The following WDR72 variants were observed in gnomAD, a reference collection of about 807,000 sequenced individuals.
The protein encoded by WDR72 is WD repeat-containing protein 72.
A neutral mutation model predicts 124.2 loss-of-function variants in WDR72; 120 were observed. The observed-to-expected ratio is 0.97, with a 90% CI of 0.83 to 1.12. The LOEUF (loss-of-function observed/expected upper bound fraction) is 1.12, where lower values mean the gene tolerates loss of function less well. WDR72 is among the 50% of genes most tolerant of loss of function. The pLI is 0.00. For synonymous variants in WDR72, 452 were observed against 441.7 expected (o/e 1.02, Z -0.29); for missense variants, 1,387 against 1,278.8 (o/e 1.08, Z -1.29).
chr15:53,523,347 A>G (rs769584489), intron 18 of WDR72, 25 bp from the exon 19 acceptor site: 4 of 1,608,250 alleles, frequency 2.5e-6, no homozygotes, highest in Admixed American at 3.3e-5. Flanking sequence ...AGAGAGAGAG[A>G]GAGAGACAGA....
intron 19 of WDR72, among the ~76,000 whole-genome samples, chr15:53,520,101 AAAATACGTTCG>A (rs200555867): frequency 0.092 from 14,059 of 152,086 alleles, 751 homozygotes; most frequent in East Asian, 0.24. Flanking sequence ...TCTGCCTATG[AAAATACGTTCG>A]TATTCACAAT....
intron 14 of WDR72, among the ~76,000 whole-genome samples, chr15:53,657,092 G>A (rs1002845157): frequency 4.6e-5 from 7 of 151,582 alleles, no homozygotes; most frequent in East Asian, 1.9e-4. Context: ...GTGAAACCCC[G>A]TCTCTACTAA....
intron 13 of WDR72, among the ~76,000 whole-genome samples, chr15:53,676,620 T>C (rs2016181291): frequency 6.6e-6 from 1 of 152,198 alleles, no homozygotes; most frequent in Non-Finnish European, 1.5e-5. Flanking sequence ...GCCAAGGACC[T>C]GAATTAGTTT....
At chr15:53,726,183 TA>T in intron 2 of WDR72, among the ~76,000 whole-genome samples, 1 of 141,470 alleles carries the variant, frequency 7.1e-6, no homozygotes. Flanking sequence ...TTGTAATATA[TA>T]TATATATATG....
intron 7 of WDR72, 59 bp downstream of exon 7, chr15:53,712,713 C>T (rs1284915091): frequency 1.3e-6 from 2 of 1,532,478 alleles, no homozygotes; most frequent in East Asian, 2.3e-5. Flanking sequence ...TATTTTTGTA[C>T]AAAACAAAAA....
At position 53,615,675 on chromosome 15, in the gene WDR72, G is replaced by A. The variant is rs772471387; in HGVS notation, c.2531C>T (p.Pro844Leu). Reference protein sequence around the residue: ...LNEDNFSLMLPGWDLCNSGMI... With the variant: ...LNEDNFSLMLLGWDLCNSGMI... ...TCCACTATTGCATAAATCCCAACCTGGCAACATCAGTGAGAAATTATCTTC... is the reference window on the plus strand; with the variant it reads ...TCCACTATTGCATAAATCCCAACCTAGCAACATCAGTGAGAAATTATCTTC... Residue 844 changes from proline (P) to leucine (L), a missense_variant, in exon 15 of 20, where the codon CCA becomes CTA. Pro to Leu is a moderately conservative substitution (Grantham distance 98). Coordinates refer to ENST00000360509, the MANE Select transcript of WDR72 (RefSeq NM_182758.4). 1.2e-6 allele frequency: 2 copies of A among 1,611,348 alleles called. No homozygotes were observed. The highest frequency in any genetic ancestry group is 1.7e-6 in the Non-Finnish European group (2 of 1,178,764).
chr15:53,706,383 T>TATATATACATATATATAC (rs2017376390), intron 9 of WDR72, among the ~76,000 whole-genome samples: 1 of 126,232 alleles, frequency 7.9e-6, no homozygotes, highest in African/African-American at 2.9e-5. Flanking sequence ...TATATATATA[T>TATATATACATATATATAC]ATATATATAT....
At chr15:53,714,968 C>T (rs547077438) in intron 5 of WDR72, among the ~76,000 whole-genome samples, 8 of 152,318 alleles carry the variant, frequency 5.3e-5, no homozygotes, top group Non-Finnish European at 8.8e-5. Flanking sequence ...AAATTCTCCT[C>T]TTTCCCCCTC....
chr15:53,730,389 C>T (rs690480), intron 2 of WDR72, among the ~76,000 whole-genome samples: 142,854 of 152,252 alleles, frequency 0.94, 67,721 homozygotes, highest in East Asian at 1. Flanking sequence ...TACTGGACTC[C>T]GAGAAACTTG....
chr15:53,529,795 C>A (rs866979341), intron 18 of WDR72, among the ~76,000 whole-genome samples: 11 of 151,930 alleles, frequency 7.2e-5, no homozygotes, highest in Admixed American at 1.3e-4. Context: ...TCAAACCAGG[C>A]ATGAAAGCCA....
At chr15:53,538,065 C>A (rs1244718197) in intron 18 of WDR72, among the ~76,000 whole-genome samples, 1 of 152,022 alleles carries the variant, frequency 6.6e-6, no homozygotes, top group East Asian at 1.9e-4. Flanking sequence ...AACATAGAAC[C>A]TCATTGGAAA....
At chr15:53,729,486 G>GAAA (rs34023714) in intron 2 of WDR72, among the ~76,000 whole-genome samples, 121,313 of 148,698 alleles carry the variant, frequency 0.82, 51,278 homozygotes, top group East Asian at 0.94. Flanking sequence ...TCTATCTAGT[G>GAAA]AAAAAAAAAC....
In WDR72 at chr15:53,665,595, G is replaced by C. The variant is rs762467620; in HGVS notation, c.1939C>G (p.Leu647Val). 1.2e-6 allele frequency: 2 copies of C among 1,613,862 alleles called. No individual in the cohort carries two copies. Among genetic ancestry groups the C allele is most frequent in the South Asian group, 1.1e-5 (1 of 91,078 alleles). The change falls in exon 14 of 20, where the codon CTG becomes GTG. Residue 647 changes from leucine to valine, a missense_variant. By Grantham distance (32) the Leu-to-Val change is conservative. Coordinates refer to ENST00000360509, the MANE Select transcript of WDR72 (RefSeq NM_182758.4). ...ACCTTACATGAAGACTCCACCTGCAGACCAGGGCAAGGTAATGGCCCAAGC... is the reference window on the plus strand; with the variant it reads ...ACCTTACATGAAGACTCCACCTGCACACCAGGGCAAGGTAATGGCCCAAGC... ...YQLGPLPCPG[L>V]QVESSCKVTD...
chr15:53,563,367 C>T (rs1443528821), intron 18 of WDR72, among the ~76,000 whole-genome samples: 1 of 151,796 alleles, frequency 6.6e-6, no homozygotes, highest in Non-Finnish European at 1.5e-5. Flanking sequence ...TCATCTTTCA[C>T]TTACGACTTC....
chr15:53,635,264 G>T (rs982722918), intron 14 of WDR72, among the ~76,000 whole-genome samples: 3 of 152,132 alleles, frequency 2.0e-5, no homozygotes, highest in African/African-American at 7.2e-5. Context: ...AAAGACAAAC[G>T]TAGGTAGAGA....
At chr15:53,657,144 G>A (rs1368413463) in intron 14 of WDR72, among the ~76,000 whole-genome samples, 2 of 151,002 alleles carry the variant, frequency 1.3e-5, no homozygotes, top group East Asian at 1.9e-4. Flanking sequence ...TGCACTTGTA[G>A]TCCCAGCTAC....
chr15:53,535,601 T>C lies in WDR72; in HGVS notation c.3149-12279A>G, dbSNP rs1892719155. Among the ~76,000 whole-genome samples, 4 of 152,168 alleles carry C rather than the reference T, an allele frequency of 2.6e-5. No homozygotes were observed. In the South Asian group the frequency reaches 6.2e-4, roughly 24 times the overall value. On this transcript the variant is annotated intron_variant, in intron 18 of 19. Transcript: ENST00000360509. ...AGCTGAACCTGGGAGGAACCAGTTATTTCCAGGGCATTTCTCTCCTATTTC... is the reference window on the plus strand; with the variant it reads ...AGCTGAACCTGGGAGGAACCAGTTACTTCCAGGGCATTTCTCTCCTATTTC...
At chr15:53,639,055 C>T (rs2014733938) in intron 14 of WDR72, among the ~76,000 whole-genome samples, 1 of 152,078 alleles carries the variant, frequency 6.6e-6, no homozygotes, top group African/African-American at 2.4e-5. Context: ...TACTCCATCT[C>T]CTGACATCTT....
Position 53,699,951 on chromosome 15 carries a change from A to G in WDR72, c.1570-6T>C, listed in dbSNP as rs1415316456. ...ATTATCTGCTCACCCCTTAGCTGTGAAAAAACAACATGCTTATGTAAGTAA... is the reference window on the plus strand; with the variant it reads ...ATTATCTGCTCACCCCTTAGCTGTGGAAAAACAACATGCTTATGTAAGTAA... On this transcript the variant is annotated splice_polypyrimidine_tract_variant and splice_region_variant and intron_variant, in intron 12 of 19. Coordinates refer to ENST00000360509, the MANE Select transcript of WDR72 (RefSeq NM_182758.4). 2.5e-6 allele frequency: 4 copies of G among 1,613,754 alleles called. No homozygotes were observed. Among genetic ancestry groups the G allele is most frequent in the Non-Finnish European group, 3.4e-6 (4 of 1,180,016 alleles).
Sources: gnomAD v4.1 joint callset for allele counts (sites outside exome capture counted in the v4.1 genomes callset) on GRCh38, gnomAD v4.1.1 for gene constraint, MANE v1.5 for transcripts, NCBI Gene and HGNC (gene_info 2026-07-23, HGNC 2026-07-21) for gene names.